The following FRMD6 variants were observed in gnomAD, a reference collection of about 807,000 sequenced individuals.
FRMD6 encodes FERM domain containing 6, also known as FERM domain-containing protein 6.
In FRMD6, 37 loss-of-function variants were observed where a neutral mutation model predicts 73.2. That is an observed-to-expected ratio of 0.51 (90% confidence interval 0.39 to 0.66). The LOEUF (loss-of-function observed/expected upper bound fraction) is 0.66, where lower values mean the gene tolerates loss of function less well. Among genes scored for constraint, FRMD6 ranks in the 30% least tolerant of loss-of-function variants. The probability of loss-of-function intolerance (pLI) is 0.00; values close to 1 mark genes in which losing one functional copy is unlikely to be tolerated. For synonymous variants in FRMD6, 273 were observed against 282.2 expected (o/e 0.97, Z 0.33); for missense variants, 714 against 780.5 (o/e 0.91, Z 1.02).
chr14:51,446,568 A>G, the FRMD6 span, among the ~76,000 whole-genome samples: 2,436 of 152,256 alleles, frequency 0.016, 73 homozygotes, highest in African/African-American at 0.056. Flanking sequence ...TGGAAACCAG[A>G]CAATATGGTT....
At chr14:51,543,496 ATC>A (rs1457161613) in intron 1 of FRMD6, among the ~76,000 whole-genome samples, 1 of 152,122 alleles carries the variant, frequency 6.6e-6, no homozygotes, top group East Asian at 1.9e-4. Flanking sequence ...CTTTTATATA[ATC>A]TGTTTGCATT....
chr14:51,543,559 G>A (rs1293666692), intron 1 of FRMD6, among the ~76,000 whole-genome samples: 1 of 151,980 alleles, frequency 6.6e-6, no homozygotes, highest in African/African-American at 2.4e-5. Context: ...CCACATGCTT[G>A]ATAATATGCC....
chr14:51,459,888 T>C, the FRMD6 span, among the ~76,000 whole-genome samples: 2 of 106,254 alleles, frequency 1.9e-5, no homozygotes, highest in African/African-American at 6.2e-5. Flanking sequence ...GACTCTCTTT[T>C]TTTTTTTTTT....
chr14:51,558,473 AAAC>A (rs1375088253), intron 1 of FRMD6, among the ~76,000 whole-genome samples: 16 of 148,240 alleles, frequency 1.1e-4, no homozygotes, highest in African/African-American at 4.2e-4. Flanking sequence ...CTCAAAAAAA[AAAC>A]AAAAAACAAA....
At chr14:51,498,981 T>C (rs1201681461) in intron 1 of FRMD6, among the ~76,000 whole-genome samples, 1 of 152,218 alleles carries the variant, frequency 6.6e-6, no homozygotes, top group Non-Finnish European at 1.5e-5. Flanking sequence ...AATGTTGCTT[T>C]TACTTCACAT....
chr14:51,618,061 T>G (rs2139904892), intron 2 of FRMD6, among the ~76,000 whole-genome samples: 1 of 152,312 alleles, frequency 6.6e-6, no homozygotes, highest in Non-Finnish European at 1.5e-5. Context: ...ATATATGGAA[T>G]TATATATCAT....
Position 51,728,212 on chromosome 14 carries a change from G to A in FRMD6, c.*183G>A, listed in dbSNP as rs927185721. ...ATTGCACTTTAAGTATTACACAGAA[G>A]TAAAAGAACTACAGAAAATGTACAG... On this transcript the variant is annotated 3_prime_UTR_variant, in exon 14 of 14. Transcript: ENST00000344768. 1.7e-6 allele frequency: 1 copy of A among 592,938 alleles called. No individual in the cohort carries two copies. The highest frequency in any genetic ancestry group is 2.8e-5 in the East Asian group (1 of 35,408). The allele number at this position is 592,938 out of a possible 1,614,324, so 36.7% of individuals were successfully genotyped here. A position where few individuals can be genotyped will look rare whatever the true frequency, so the allele number is the denominator to read the frequency against.
intron 2 of FRMD6, among the ~76,000 whole-genome samples, chr14:51,583,288 A>G (rs936336119): frequency 2.6e-5 from 4 of 152,214 alleles, no homozygotes; most frequent in Non-Finnish European, 4.4e-5. Flanking sequence ...TACTGTCTTC[A>G]GGTGTTTGTT....
chr14:51,652,411 G>C (rs960587148), intron 1 of FRMD6, among the ~76,000 whole-genome samples: 1 of 152,214 alleles, frequency 6.6e-6, no homozygotes, highest in African/African-American at 2.4e-5. Context: ...GCATCGCGGA[G>C]GTCCCCGGAT....
intron 6 of FRMD6, among the ~76,000 whole-genome samples, chr14:51,705,187 C>T (rs2140473860): frequency 6.6e-6 from 1 of 152,190 alleles, no homozygotes; most frequent in South Asian, 2.1e-4. Context: ...TTACCAGCCT[C>T]CTTTCAGCAT....
chr14:51,578,712 T>C (rs192545872), intron 2 of FRMD6, among the ~76,000 whole-genome samples: 134 of 152,264 alleles, frequency 8.8e-4, no homozygotes, highest in Non-Finnish European at 1.4e-3. Flanking sequence ...CTGAATAAGA[T>C]ATTATGATCC....
chr14:51,548,611 T>C (rs1217271927), intron 1 of FRMD6, among the ~76,000 whole-genome samples: 14 of 152,166 alleles, frequency 9.2e-5, no homozygotes, highest in Admixed American at 3.9e-4. Context: ...AGAAAAATAA[T>C]TGGACTAAAC....
chr14:51,716,244 TAACACACCCCAACCCTAATCCTC>T (rs1897236813), intron 10 of FRMD6, among the ~76,000 whole-genome samples: 1 of 152,144 alleles, frequency 6.6e-6, no homozygotes, highest in African/African-American at 2.4e-5. Flanking sequence ...TTCCTCCATT[TAACACACCCCAACCCTAATCCTC>T]AAAACTGCTA....
chr14:51,585,939 G>GTGTGTGTGTGTA lies in FRMD6; in HGVS notation c.-147+15530_-147+15531insGTGTGTGTGTAT. Among the ~76,000 whole-genome samples, 29 of 31,416 alleles carry GTGTGTGTGTGTA rather than the reference G, an allele frequency of 9.2e-4. 4 individuals are homozygous for GTGTGTGTGTGTA. The highest frequency in any genetic ancestry group is 1.8e-3 in the African/African-American group (27 of 14,638). The allele number at this position is 31,416 out of a possible 152,430, so 20.6% of individuals were successfully genotyped here. Reference sequence around the variant, plus strand: ...TGCCATGGCATGTGTGTGTGTGTGTGTATATATATATATATATATATAACA... The same window carrying GTGTGTGTGTGTA: ...TGCCATGGCATGTGTGTGTGTGTGTGTGTGTGTGTGTATATATATATATATATATATATAACA... On this transcript the variant is annotated intron_variant, in intron 2 of 14. Transcript: ENST00000356218.
intron 2 of FRMD6, among the ~76,000 whole-genome samples, chr14:51,585,474 A>C (rs1372496562): frequency 6.6e-6 from 1 of 152,144 alleles, no homozygotes; most frequent in African/African-American, 2.4e-5. Flanking sequence ...GCAGATTATA[A>C]ATTGTCTGCT....
At chr14:51,551,070 T>G (rs1886798683) in intron 1 of FRMD6, among the ~76,000 whole-genome samples, 1 of 152,132 alleles carries the variant, frequency 6.6e-6, no homozygotes, top group Non-Finnish European at 1.5e-5. Flanking sequence ...TGGACTTTCT[T>G]CCATCCAGTA....
the FRMD6 span, among the ~76,000 whole-genome samples, chr14:51,429,067 G>GA: frequency 6.6e-6 from 1 of 151,298 alleles, no homozygotes; most frequent in Non-Finnish European, 1.5e-5. Context: ...GAGGAGAAGA[G>GA]AAAAGAGAAG....
At chr14:51,447,222 G>A in the FRMD6 span, among the ~76,000 whole-genome samples, 1 of 152,276 alleles carries the variant, frequency 6.6e-6, no homozygotes, top group Admixed American at 6.5e-5. Context: ...GGGGTGCGGG[G>A]AGATGTGGAG....
chr14:51,434,311 A>G, the FRMD6 span, among the ~76,000 whole-genome samples: 2 of 152,166 alleles, frequency 1.3e-5, no homozygotes, highest in Admixed American at 1.3e-4. Context: ...GTTAAATGCC[A>G]TTCTTCAATA....
Sources: gnomAD v4.1 joint callset for allele counts (sites outside exome capture counted in the v4.1 genomes callset) on GRCh38, gnomAD v4.1.1 for gene constraint, MANE v1.5 for transcripts, NCBI Gene and HGNC (gene_info 2026-07-23, HGNC 2026-07-21) for gene names.